Variants in ACBD6 observed in about 807,000 individuals in gnomAD.
The protein encoded by ACBD6 is acyl-CoA-binding domain-containing protein 6.
In ACBD6, 28 loss-of-function variants were observed where a neutral mutation model predicts 37.2. The ratio of observed to expected loss-of-function variants is 0.75; its 90% confidence interval spans 0.56 to 1.03. The LOEUF is 1.03. ACBD6 is among the 50% of genes least tolerant of loss of function. ACBD6 has a pLI of 0.00. For missense variants in ACBD6, 340 were observed against 337.4 expected (o/e 1.01, Z -0.06); for synonymous variants, 113 against 126.8 (o/e 0.89, Z 0.73).
intron 6 of ACBD6, among the ~76,000 whole-genome samples, chr1:180,374,551 G>A (rs557203437): frequency 2.0e-5 from 3 of 150,650 alleles, no homozygotes; most frequent in Non-Finnish European, 4.4e-5. Flanking sequence ...AAAATGTATT[G>A]TGTTTTTGGT....
intron 6 of ACBD6, among the ~76,000 whole-genome samples, chr1:180,376,573 A>G (rs898214176): frequency 6.6e-6 from 1 of 152,206 alleles, no homozygotes; most frequent in Non-Finnish European, 1.5e-5. Flanking sequence ...GATGAGCAAA[A>G]GAGTATCTTT....
intron 3 of ACBD6, among the ~76,000 whole-genome samples, chr1:180,467,448 C>CAAAAAAAAAAAAAAAAAAAAAA (rs57941230): frequency 2.5e-4 from 18 of 72,532 alleles, no homozygotes; most frequent in Admixed American, 3.9e-4. Flanking sequence ...TCCATCTCTG[C>CAAAAAAAAAAAAAAAAAAAAAA]AAAAAAAAAA....
At chr1:180,446,169 A>T (rs1346445549) in intron 3 of ACBD6, among the ~76,000 whole-genome samples, 2 of 139,864 alleles carry the variant, frequency 1.4e-5, no homozygotes, top group African/African-American at 2.6e-5. Flanking sequence ...CGCCGGGATA[A>T]TTTTTTTTTT....
intron 6 of ACBD6, among the ~76,000 whole-genome samples, chr1:180,353,163 G>C (rs1466977789): frequency 6.6e-6 from 1 of 152,142 alleles, no homozygotes; most frequent in Middle Eastern, 3.2e-3. Context: ...TAATTCTAAT[G>C]CCTAGAAGAG....
At chr1:180,320,079 A>G (rs780060736) in intron 6 of ACBD6, among the ~76,000 whole-genome samples, 3 of 152,188 alleles carry the variant, frequency 2.0e-5, no homozygotes, top group Non-Finnish European at 4.4e-5. Context: ...AGAAACCTCC[A>G]AACGGTTCTC....
chr1:180,438,775 C>T (rs1009168493), intron 3 of ACBD6, among the ~76,000 whole-genome samples: 3 of 152,034 alleles, frequency 2.0e-5, no homozygotes, highest in Non-Finnish European at 2.9e-5. Flanking sequence ...TAATGAAAGT[C>T]CATAGTTTAC....
intron 1 of ACBD6, among the ~76,000 whole-genome samples, chr1:180,498,536 A>G (rs1651821583): frequency 6.6e-6 from 1 of 152,196 alleles, no homozygotes; most frequent in Admixed American, 6.5e-5. Context: ...ACAAAATGTA[A>G]GACTTGACTC....
chr1:180,426,590 C>T (rs1472583533), intron 4 of ACBD6, among the ~76,000 whole-genome samples: 1 of 152,170 alleles, frequency 6.6e-6, no homozygotes, highest in Non-Finnish European at 1.5e-5. Context: ...TCCTTGTTTT[C>T]CATTTTCTTT....
chr1:180,435,531 A>G (rs530819856), intron 3 of ACBD6: 14 of 752,848 alleles, frequency 1.9e-5, no homozygotes, highest in East Asian at 1.8e-4. Context: ...GATTACAGGC[A>G]TGAGCGACCA....
chr1:180,291,996 T>C (rs1649725956), intron 7 of ACBD6, among the ~76,000 whole-genome samples: 1 of 152,242 alleles, frequency 6.6e-6, no homozygotes, highest in Admixed American at 6.5e-5. Flanking sequence ...CCATTTGTGA[T>C]TGGATCTATT....
At chr1:180,430,138 G>C (rs756928166) in intron 4 of ACBD6, 42 bp downstream of exon 4, 2 of 1,514,274 alleles carry the variant, frequency 1.3e-6, no homozygotes, top group South Asian at 2.2e-5. Flanking sequence ...CACACACACA[G>C]GCATATATAT....
chr1:180,407,515 T>C (rs778575862), intron 5 of ACBD6, among the ~76,000 whole-genome samples: 3 of 152,224 alleles, frequency 2.0e-5, no homozygotes, highest in Non-Finnish European at 2.9e-5. Flanking sequence ...GGAGGTCACA[T>C]GTGGATTTGA....
intron 6 of ACBD6, among the ~76,000 whole-genome samples, chr1:180,350,090 A>G (rs1652352843): frequency 6.9e-6 from 1 of 145,222 alleles, no homozygotes. Flanking sequence ...CAGTGGTGCG[A>G]TCATAGCTCA....
At chr1:180,479,082 A>G (rs1650919731) in intron 3 of ACBD6, among the ~76,000 whole-genome samples, 1 of 152,208 alleles carries the variant, frequency 6.6e-6, no homozygotes, top group African/African-American at 2.4e-5. Flanking sequence ...GCAATGAGCT[A>G]GGATTGCACC....
intron 6 of ACBD6, among the ~76,000 whole-genome samples, chr1:180,339,124 A>G (rs1034699490): frequency 7.2e-5 from 11 of 152,318 alleles, no homozygotes; most frequent in South Asian, 2.1e-4. Context: ...TCAGTGTGGC[A>G]ATTCCTCAGG....
At chr1:180,325,172 G>T (rs1007216902) in intron 6 of ACBD6, among the ~76,000 whole-genome samples, 4 of 152,086 alleles carry the variant, frequency 2.6e-5, no homozygotes, top group Admixed American at 1.3e-4. Context: ...CTATCCCTCT[G>T]AATAAACTTT....
intron 3 of ACBD6, among the ~76,000 whole-genome samples, chr1:180,449,765 G>A (rs959653552): frequency 1.3e-5 from 2 of 151,906 alleles, no homozygotes; most frequent in African/African-American, 2.4e-5. Flanking sequence ...GCCTGTTGTA[G>A]GGTGGGGACA....
At chr1:180,455,431 T>G (rs1163096336) in intron 3 of ACBD6, among the ~76,000 whole-genome samples, 3 of 152,042 alleles carry the variant, frequency 2.0e-5, no homozygotes, top group Non-Finnish European at 4.4e-5. Context: ...GATGATGGGT[T>G]GATGGGTGCA....
intron 4 of ACBD6, among the ~76,000 whole-genome samples, chr1:180,427,730 T>C (rs552921339): frequency 4.6e-5 from 7 of 152,116 alleles, no homozygotes; most frequent in South Asian, 2.1e-4. Flanking sequence ...GAGACCATCC[T>C]GGCTAATATG....
Sources: gnomAD v4.1 joint callset for allele counts (sites outside exome capture counted in the v4.1 genomes callset) on GRCh38, gnomAD v4.1.1 for gene constraint, MANE v1.5 for transcripts, NCBI Gene and HGNC (gene_info 2026-07-23, HGNC 2026-07-21) for gene names.